YAP1: variants seen among roughly 807,000 people sequenced by gnomAD.
The protein encoded by YAP1 is Yes1 associated transcriptional regulator.
In YAP1, 5 loss-of-function variants were observed where a neutral mutation model predicts 56.9. The ratio of observed to expected loss-of-function variants is 0.09; its 90% CI spans 0.05 to 0.18. The LOEUF (loss-of-function observed/expected upper bound fraction) is 0.18, where lower values mean the gene tolerates loss of function less well. Ranked by LOEUF, YAP1 falls within the 10% of genes least tolerant of loss-of-function variation. YAP1 has a pLI of 1.00. For missense variants in YAP1, 539 were observed against 651.8 expected (o/e 0.83, Z 1.88); for synonymous variants, 265 against 248.1 (o/e 1.07, Z -0.64).
At chr11:102,162,639 A>G (rs1183439471) in intron 3 of YAP1, 68 bp downstream of exon 3, 1 of 1,455,166 alleles carries the variant, frequency 6.9e-7, no homozygotes, top group Non-Finnish European at 9.6e-7. Context: ...TGATGTGGAA[A>G]ATAGTCATTA....
At chr11:102,149,977 CTTTTTTTT>C (rs386374692) in intron 2 of YAP1, among the ~76,000 whole-genome samples, 4 of 50,290 alleles carry the variant, frequency 8.0e-5, no homozygotes, top group Non-Finnish European at 1.4e-4. Context: ...GAGTAGTGTG[CTTTTTTTT>C]TTTTTTTTTT....
chr11:102,224,038 T>C (rs890699716), intron 7 of YAP1, among the ~76,000 whole-genome samples: 4 of 152,202 alleles, frequency 2.6e-5, no homozygotes, highest in African/African-American at 9.6e-5. Flanking sequence ...AATTACAGAA[T>C]CATGAAGGAA....
Position 102,110,735 on chromosome 11 carries a change from C to T in YAP1, c.-114C>T. Reference sequence around the variant, plus strand: ...CCCGGCCCTGAGAGCGAGGACAGCGCCGCCCGGCCCGCAGCCGTCGCCGCT... The same window carrying T: ...CCCGGCCCTGAGAGCGAGGACAGCGTCGCCCGGCCCGCAGCCGTCGCCGCT... On this transcript the variant is annotated 5_prime_UTR_variant, in exon 1 of 9. Transcript: ENST00000282441. 1 of 1,015,624 alleles carries T rather than the reference C, an allele frequency of 9.8e-7. No homozygotes were observed. The highest frequency in any genetic ancestry group is 1.2e-6 in the Non-Finnish European group (1 of 803,876). 62.9% of individuals were successfully genotyped at this position (1,015,624 alleles called of 1,614,324 possible).
chr11:102,121,572 C>T (rs1943655833), intron 2 of YAP1, among the ~76,000 whole-genome samples: 1 of 152,130 alleles, frequency 6.6e-6, no homozygotes, highest in African/African-American at 2.4e-5. Flanking sequence ...TCAATGCATC[C>T]ATACTGTCTA....
At chr11:102,171,214 G>A (rs978192591) in intron 3 of YAP1, among the ~76,000 whole-genome samples, 2 of 151,916 alleles carry the variant, frequency 1.3e-5, no homozygotes, top group African/African-American at 4.8e-5. Flanking sequence ...GATAAGTGTT[G>A]GAATATTATT....
In YAP1 at chr11:102,233,238, G is replaced by T. The variant is rs1950486853; in HGVS notation, c.*3298G>T. On this transcript the variant is annotated 3_prime_UTR_variant, in exon 9 of 9. Transcript: ENST00000282441. ...CACATTTTAAATGTTTTATATTAGA[G>T]AATTCTTTAATGCACACTTGTCAAA... 6.6e-6 allele frequency: 1 copy of T among 152,106 alleles called. No homozygotes were observed. 9.4% of individuals were successfully genotyped at this position (152,106 alleles called of 1,614,324 possible).
chr11:102,161,093 C>G (rs1378170291), intron 2 of YAP1, among the ~76,000 whole-genome samples: 4 of 114,390 alleles, frequency 3.5e-5, no homozygotes, highest in African/African-American at 1.4e-4. Flanking sequence ...TGGAATCTGG[C>G]TCTGTTGCCC....
rs1158680606 is a variant in YAP1, at chr11:102,184,168, T to G, written c.689-1850T>G. Among the ~76,000 whole-genome samples the G allele has an allele frequency of 2.0e-5, 3 of 152,142 alleles. No homozygotes were observed. The South Asian group carries it at 6.2e-4, about 32-fold the overall frequency. ...GCATTCAGTGATTGCTATTGACTTG[T>G]TCATCACCATGTATAGTCACATGGT... On this transcript the variant is annotated intron_variant, in intron 3 of 8. Transcript: ENST00000282441.
At chr11:102,145,791 C>T (rs565426231) in intron 2 of YAP1, among the ~76,000 whole-genome samples, 1 of 152,316 alleles carries the variant, frequency 6.6e-6, no homozygotes, top group Non-Finnish European at 1.5e-5. Context: ...TATTCCCATT[C>T]TCAGATCCAA....
intron 2 of YAP1, among the ~76,000 whole-genome samples, chr11:102,157,413 T>C (rs530774699): frequency 6.6e-6 from 1 of 152,298 alleles, no homozygotes; most frequent in Non-Finnish European, 1.5e-5. Context: ...AGCATGTGAC[T>C]CTATAACACT....
At chr11:102,148,665 A>G (rs1024829637) in intron 2 of YAP1, among the ~76,000 whole-genome samples, 4 of 152,136 alleles carry the variant, frequency 2.6e-5, no homozygotes, top group Non-Finnish European at 4.4e-5. Context: ...TATTTCTCTT[A>G]CTGTTCTCTG....
At chr11:102,164,809 G>A (rs140520208) in intron 3 of YAP1, among the ~76,000 whole-genome samples, 1,653 of 152,084 alleles carry the variant, frequency 0.011, 77 homozygotes, top group Admixed American at 0.074. Context: ...CACAACCTCC[G>A]CCTCCCTGGT....
At chr11:102,197,512 A>G (rs1369106454) in intron 4 of YAP1, among the ~76,000 whole-genome samples, 1 of 151,934 alleles carries the variant, frequency 6.6e-6, no homozygotes, top group Non-Finnish European at 1.5e-5. Flanking sequence ...ACTTGGGGAA[A>G]AAAAACCTAT....
chr11:102,130,261 TAAGG>T (rs1008443240), intron 2 of YAP1, among the ~76,000 whole-genome samples: 1 of 151,954 alleles, frequency 6.6e-6, no homozygotes, highest in African/African-American at 2.4e-5. Context: ...TCGTGTAAAA[TAAGG>T]AAGTGTGTCA....
chr11:102,111,226 G>C (rs1169000030), intron 1 of YAP1, 57 bp downstream of exon 1: 3 of 1,595,082 alleles, frequency 1.9e-6, no homozygotes, highest in Non-Finnish European at 2.6e-6. Context: ...GACCGGGGGG[G>C]CGCTCGGGAG....
At chr11:102,171,664 T>C (rs1946906995) in intron 3 of YAP1, among the ~76,000 whole-genome samples, 1 of 152,184 alleles carries the variant, frequency 6.6e-6, no homozygotes, top group South Asian at 2.1e-4. Flanking sequence ...AGTTGCATAT[T>C]AGTAGGCTCA....
At chr11:102,192,765 G>A (rs1948360007) in intron 4 of YAP1, among the ~76,000 whole-genome samples, 1 of 152,222 alleles carries the variant, frequency 6.6e-6, no homozygotes, top group South Asian at 2.1e-4. Flanking sequence ...TGAGGTTTCA[G>A]AGATACTTTT....
intron 3 of YAP1, among the ~76,000 whole-genome samples, chr11:102,163,161 C>A (rs1946397223): frequency 6.6e-6 from 1 of 152,046 alleles, no homozygotes; most frequent in Admixed American, 6.6e-5. Flanking sequence ...GAAGATAAAC[C>A]TGAGTATAAA....
At chr11:102,220,201 A>T (rs1367313521) in intron 6 of YAP1, among the ~76,000 whole-genome samples, 2 of 151,942 alleles carry the variant, frequency 1.3e-5, no homozygotes, top group East Asian at 2.0e-4. Context: ...CTCTACAAAA[A>T]AATTTGGAGG....
Sources: allele counts gnomAD v4.1 joint callset (sites outside exome capture counted in the v4.1 genomes callset), GRCh38; gene constraint gnomAD v4.1.1; transcripts MANE v1.5; gene names NCBI Gene and HGNC (gene_info 2026-07-23, HGNC 2026-07-21).